Variants in FHL5 observed in about 807,000 individuals in gnomAD.
FHL5 encodes four and a half LIM domains 5.
Under a neutral mutation model 32.0 loss-of-function variants are expected in FHL5, and 33 were observed. The observed-to-expected ratio is 1.03, with a 90% confidence interval of 0.78 to 1.38. The LOEUF is 1.38. Ranked by LOEUF, FHL5 falls within the 40% of genes most tolerant of loss-of-function variation. FHL5 has a pLI of 0.00. For synonymous variants in FHL5, 114 were observed against 113.6 expected, an observed-to-expected ratio of 1.00 and a Z score of -0.02; for missense variants, 336 against 343.9, an observed-to-expected ratio of 0.98 and a Z score of 0.18.
At chr6:96,606,302 C>T (rs1771278546) in intron 4 of FHL5, among the ~76,000 whole-genome samples, 1 of 151,638 alleles carries the variant, frequency 6.6e-6, no homozygotes, top group Non-Finnish European at 1.5e-5. Flanking sequence ...ATATTCCAAA[C>T]AGCTCAAGTG....
intron 1 of FHL5, among the ~76,000 whole-genome samples, chr6:96,565,267 A>C: frequency 6.6e-6 from 1 of 151,180 alleles, no homozygotes; most frequent in South Asian, 2.1e-4. Flanking sequence ...TACATTCATT[A>C]AATAAATAAA....
At chr6:96,569,572 G>T (rs1770431178) in intron 1 of FHL5, among the ~76,000 whole-genome samples, 1 of 151,916 alleles carries the variant, frequency 6.6e-6, no homozygotes. Context: ...TCTCCTTTGG[G>T]TTTAATTATT....
Position 96,609,898 on chromosome 6 carries a change from C to T in FHL5, c.505-674C>T, listed in dbSNP as rs539090445. On this transcript the variant is annotated intron_variant, in intron 4 of 5. Transcript: ENST00000450218. ...TCTGAAAAGAGGGAAAGATAATAGT[C>T]TGTAGTATGTAGAGGTGTTGAGAAT... 3.9e-5 allele frequency among the ~76,000 whole-genome samples: 6 copies of T among 152,242 alleles called. No homozygotes were observed. The East Asian group carries it at 1.2e-3, about 29-fold the overall frequency.
In FHL5 at chr6:96,617,862, T is replaced by TA. The variant is rs1466973520; in HGVS notation, c.*2091dup. ...CAGAATCATTTCCTAAAGATTTTATTATCCTTTCATAAGTATAAATATATA... is the reference window on the plus strand; with the variant it reads ...CAGAATCATTTCCTAAAGATTTTATTAATCCTTTCATAAGTATAAATATATA... On this transcript the variant is annotated 3_prime_UTR_variant, in exon 6 of 6. Transcript: ENST00000450218. 6.6e-6 allele frequency among the ~76,000 whole-genome samples: 1 copy of TA among 152,206 alleles called. No homozygotes were observed. Among genetic ancestry groups the TA allele is most frequent in the Non-Finnish European group, 1.5e-5 (1 of 68,036 alleles).
At chr6:96,613,062 T>G (rs1373807336) in intron 5 of FHL5, among the ~76,000 whole-genome samples, 1 of 152,334 alleles carries the variant, frequency 6.6e-6, no homozygotes, top group East Asian at 1.9e-4. Flanking sequence ...TTAACAACTA[T>G]GTATTATATA....
chr6:96,607,546 A>G (rs1002837288), intron 4 of FHL5, among the ~76,000 whole-genome samples: 4 of 152,206 alleles, frequency 2.6e-5, no homozygotes, highest in Admixed American at 2.6e-4. Flanking sequence ...ATTACAATTG[A>G]TCACATGACA....
intron 5 of FHL5, 45 bp downstream of exon 5, chr6:96,610,803 A>T (rs376752436): frequency 1.5e-6 from 2 of 1,297,154 alleles, no homozygotes; most frequent in African/African-American, 2.9e-5. Context: ...GACAGTTATG[A>T]CTTTATGAAA....
At chr6:96,595,154 C>A (rs1771010256) in intron 1 of FHL5, among the ~76,000 whole-genome samples, 1 of 151,580 alleles carries the variant, frequency 6.6e-6, no homozygotes, top group Non-Finnish European at 1.5e-5. Flanking sequence ...GAATTCCCTT[C>A]AGTGAAGGTT....
At chr6:96,585,564 T>G (rs1013261674) in intron 1 of FHL5, among the ~76,000 whole-genome samples, 3 of 151,054 alleles carry the variant, frequency 2.0e-5, no homozygotes, top group Admixed American at 2.0e-4. Flanking sequence ...AAAGTAATCT[T>G]AAAAAAAAAC....
At chr6:96,609,562 A>C (rs746704570) in intron 4 of FHL5, among the ~76,000 whole-genome samples, 22 of 152,358 alleles carry the variant, frequency 1.4e-4, no homozygotes, top group Non-Finnish European at 3.1e-4. Context: ...ATTACATCTC[A>C]GGCAAAACAC....
In FHL5 at chr6:96,616,162, T is replaced by G. The variant is rs1771517489; in HGVS notation, c.*390T>G. On this transcript the variant is annotated 3_prime_UTR_variant, in exon 6 of 6. Transcript: ENST00000450218. The stretch of plus-strand genomic sequence containing the variant: ...AACTGAGAGGTATACATGAGGCTAG[T>G]GTTTGCATTCCTGGTTATATGTAAT... 6.5e-6 allele frequency: 1 copy of G among 154,344 alleles called. No homozygotes were observed. The highest frequency in any genetic ancestry group is 2.1e-4 in the South Asian group (1 of 4,866). The allele number at this position is 154,344 out of a possible 1,614,324, so 9.6% of individuals were successfully genotyped here. A position where few individuals can be genotyped will look rare whatever the true frequency, so the allele number is the denominator to read the frequency against.
chr6:96,615,588 T>C, intron 5 of FHL5, 21 bp from the exon 6 acceptor site: 2 of 1,579,480 alleles, frequency 1.3e-6, no homozygotes, highest in Non-Finnish European at 1.7e-6. Flanking sequence ...AGATTAATCT[T>C]TTTCTCCAAT....
chr6:96,604,079 T>G (rs1184257989), intron 2 of FHL5, among the ~76,000 whole-genome samples: 1 of 152,206 alleles, frequency 6.6e-6, no homozygotes, highest in Non-Finnish European at 1.5e-5. Context: ...AGTAACCTTC[T>G]GGGTGTGTTT....
intron 1 of FHL5, among the ~76,000 whole-genome samples, chr6:96,585,896 T>G (rs1251942005): frequency 6.6e-6 from 1 of 152,178 alleles, no homozygotes; most frequent in African/African-American, 2.4e-5. Flanking sequence ...AAGACACATA[T>G]AAGTAGCGTA....
In FHL5 at chr6:96,603,721, ATTTT is replaced by A. The variant is rs775563311; in HGVS notation, c.109_112del (p.Phe37LeufsTer100). 1.6e-5 allele frequency: 25 copies of A among 1,612,036 alleles called. No homozygotes were observed. In the South Asian group the frequency reaches 2.6e-4, roughly 17 times the overall value. ...ACTGTGTTACATGTTATGATCGTGT[ATTTT>A]CTAACTATTGCGAGGAATGCAAAAA... On this transcript the variant is annotated frameshift_variant, in exon 2 of 6. Transcript: ENST00000450218. LOFTEE classifies it high-confidence loss of function.
intron 1 of FHL5, among the ~76,000 whole-genome samples, chr6:96,596,955 C>A (rs574750250): frequency 1.1e-4 from 17 of 152,212 alleles, no homozygotes; most frequent in African/African-American, 3.9e-4. Context: ...CAGATGCATT[C>A]ACTTTTTAAG....
chr6:96,565,208 G>A (rs1213752975), intron 1 of FHL5, among the ~76,000 whole-genome samples: 1 of 152,004 alleles, frequency 6.6e-6, no homozygotes, highest in African/African-American at 2.4e-5. Context: ...CTTTCACATG[G>A]GCTAATTACC....
chr6:96,585,408 C>G (rs919295260), intron 1 of FHL5, among the ~76,000 whole-genome samples: 3 of 152,114 alleles, frequency 2.0e-5, no homozygotes, highest in Admixed American at 1.3e-4. Flanking sequence ...GGTAAAACTA[C>G]TTTGAATAAC....
chr6:96,601,164 T>C (rs1238141267), intron 1 of FHL5, among the ~76,000 whole-genome samples: 1 of 151,714 alleles, frequency 6.6e-6, no homozygotes, highest in Non-Finnish European at 1.5e-5. Context: ...TAAAATCCCA[T>C]ATCTACTAAA....
Sources: allele counts gnomAD v4.1 joint callset (sites outside exome capture counted in the v4.1 genomes callset), GRCh38; gene constraint gnomAD v4.1.1; transcripts MANE v1.5; gene names NCBI Gene and HGNC (gene_info 2026-07-23, HGNC 2026-07-21).